CCDC33: variants seen among roughly 807,000 people sequenced by gnomAD.
CCDC33 encodes the protein coiled-coil domain-containing protein 33.
In CCDC33, 94 loss-of-function variants were observed where a neutral mutation model predicts 91.9. That is an observed-to-expected ratio of 1.02 (90% CI 0.87 to 1.21). CCDC33 has a LOEUF of 1.21. Among genes scored for constraint, CCDC33 ranks in the 50% most tolerant of loss-of-function variants. The pLI is 0.00. For missense variants in CCDC33, 940 were observed against 935.5 expected (o/e 1.00, Z -0.06); for synonymous variants, 396 against 374.5 (o/e 1.06, Z -0.66).
rs565434633 is a variant in CCDC33, at chr15:74,332,680, C to T, written c.1773C>T (p.Gly591=). 3 of 1,613,798 alleles carry T rather than the reference C, an allele frequency of 1.9e-6. No homozygotes were observed. In the South Asian group the frequency reaches 3.3e-5, roughly 18 times the overall value. ...CAACATCTGTGGCCGTGTCTCTAGGCTTCCCTATGCTCTCAGCCTCTGGCC... is the reference window on the plus strand; with the variant it reads ...CAACATCTGTGGCCGTGTCTCTAGGTTTCCCTATGCTCTCAGCCTCTGGCC... ...LNRQQGKPYT[G]FPMLSASGLP... Residue 591 remains glycine (G), a splice_region_variant and synonymous_variant, in exon 16 of 19, where the codon GGC becomes GGT. Transcript: ENST00000398814.
intron 11 of CCDC33, among the ~76,000 whole-genome samples, chr15:74,323,863 G>A (rs2060254097): frequency 6.6e-6 from 1 of 151,986 alleles, no homozygotes; most frequent in African/African-American, 2.4e-5. Context: ...AGGCCAAGGT[G>A]GGCGGATCAT....
chr15:74,230,338 C>T (rs1221040598), intron 2 of CCDC33, among the ~76,000 whole-genome samples: 5 of 152,314 alleles, frequency 3.3e-5, no homozygotes, highest in Middle Eastern at 3.4e-3. Context: ...GACCCCCCAC[C>T]CAACCTTGGC....
intron 2 of CCDC33, among the ~76,000 whole-genome samples, chr15:74,219,572 G>A (rs552863241): frequency 9.8e-5 from 15 of 152,306 alleles, no homozygotes; most frequent in African/African-American, 3.4e-4. Context: ...TATAGTGAGG[G>A]TATCATCTAT....
chr15:74,326,539 G>A (rs1315925811), intron 11 of CCDC33, among the ~76,000 whole-genome samples: 3 of 152,224 alleles, frequency 2.0e-5, no homozygotes, highest in Admixed American at 6.5e-5. Context: ...TGTCGGTGCA[G>A]CAAAGGCCAC....
chr15:74,207,775 G>T (rs1347401678), intron 1 of CCDC33: 2 of 1,535,728 alleles, frequency 1.3e-6, no homozygotes, highest in East Asian at 2.4e-5. Flanking sequence ...TGAGCTTGGG[G>T]TGTGCCCTCA....
chr15:74,313,833 C>G (rs942125932), intron 11 of CCDC33, among the ~76,000 whole-genome samples: 1 of 152,124 alleles, frequency 6.6e-6, no homozygotes, highest in Non-Finnish European at 1.5e-5. Context: ...ATGCTTGGTG[C>G]CAGCATCCAG....
At chr15:74,304,772 C>T (rs2059860587) in intron 11 of CCDC33, among the ~76,000 whole-genome samples, 1 of 152,004 alleles carries the variant, frequency 6.6e-6, no homozygotes, top group Non-Finnish European at 1.5e-5. Flanking sequence ...GTCTTCCTGA[C>T]CGACTTGGCC....
chr15:74,222,815 C>A (rs2074651466), intron 2 of CCDC33, among the ~76,000 whole-genome samples: 1 of 145,978 alleles, frequency 6.9e-6, no homozygotes. Context: ...CCGCCGCCTG[C>A]ATGTCTCTGG....
chr15:74,331,436 C>A, intron 15 of CCDC33, 140 bp downstream of exon 15: 1 of 806,882 alleles, frequency 1.2e-6, no homozygotes, highest in Non-Finnish European at 2.0e-6. Flanking sequence ...CCTGGGAGAC[C>A]CAGGATTGCC....
At chr15:74,324,834 C>T (rs2060277357) in intron 11 of CCDC33, among the ~76,000 whole-genome samples, 1 of 150,462 alleles carries the variant, frequency 6.6e-6, no homozygotes, top group Non-Finnish European at 1.5e-5. Context: ...TGCGCCTCCT[C>T]CACCCAAAGA....
intron 10 of CCDC33, among the ~76,000 whole-genome samples, chr15:74,288,806 C>T (rs1162434446): frequency 1.3e-5 from 2 of 152,184 alleles, no homozygotes; most frequent in Admixed American, 1.3e-4. Flanking sequence ...GCTGCAATGT[C>T]CACCTTGTAA....
chr15:74,234,835 G>C (rs1401083883), upstream of CCDC33, among the ~76,000 whole-genome samples: 1 of 152,244 alleles, frequency 6.6e-6, no homozygotes, highest in Admixed American at 6.5e-5. Flanking sequence ...AAAATGTGAG[G>C]CTCTGTGTCG....
chr15:74,310,927 T>A (rs2059981884), intron 11 of CCDC33, among the ~76,000 whole-genome samples: 1 of 152,204 alleles, frequency 6.6e-6, no homozygotes, highest in Non-Finnish European at 1.5e-5. Flanking sequence ...GGGGTTTTGA[T>A]GGCTGAAGCA....
intron 10 of CCDC33, among the ~76,000 whole-genome samples, chr15:74,293,665 G>A (rs572325606): frequency 6.6e-6 from 1 of 152,322 alleles, no homozygotes; most frequent in South Asian, 2.1e-4. Context: ...GTGGGAGAGA[G>A]AGCCAGGCCT....
intron 11 of CCDC33, among the ~76,000 whole-genome samples, chr15:74,318,869 G>A (rs1004588971): frequency 2.0e-5 from 3 of 152,110 alleles, no homozygotes; most frequent in African/African-American, 7.2e-5. Context: ...TAGGCCACCT[G>A]AGCCCACACA....
At chr15:74,327,816 C>G (rs1449501214) in intron 11 of CCDC33, among the ~76,000 whole-genome samples, 2 of 152,146 alleles carry the variant, frequency 1.3e-5, no homozygotes. Flanking sequence ...GCTCACAACC[C>G]GGTTATGGAC....
chr15:74,334,115 C>G (rs1443394437), intron 17 of CCDC33, 148 bp downstream of exon 17: 5 of 644,988 alleles, frequency 7.8e-6, no homozygotes. Context: ...AGTGTGCAAC[C>G]AGGGTCAGGG....
At chr15:74,266,811 G>GC in intron 4 of CCDC33, 24 bp downstream of exon 4, 1 of 1,567,942 alleles carries the variant, frequency 6.4e-7, no homozygotes, top group Middle Eastern at 1.7e-4. Flanking sequence ...CTGGGGAAGT[G>GC]CCGGGAGAGC....
In CCDC33 at chr15:74,272,846, G is replaced by A; in HGVS notation, c.714G>A (p.Met238Ile). The A allele has an allele frequency of 1.2e-6, 2 of 1,614,246 alleles. No individual in the cohort carries two copies. The highest frequency in any genetic ancestry group is 1.7e-6 in the Non-Finnish European group (2 of 1,180,036). ...CACTGTCCTTCCCTATCCCGTCCAT[G>A]ATGAACTTTGACGTGCCTCGCGTCA... is the stretch of plus-strand genomic sequence containing the variant. ...ITPLSFPIPS[M>I]MNFDVPRVSQ... is the part of the protein sequence containing the mutation. The change falls in exon 7 of 19, where the codon ATG becomes ATA. Residue 238 changes from methionine to isoleucine, a missense_variant. Transcript: ENST00000398814.
Sources: allele counts gnomAD v4.1 joint callset (sites outside exome capture counted in the v4.1 genomes callset), GRCh38; gene constraint gnomAD v4.1.1; transcripts MANE v1.5; gene names NCBI Gene and HGNC (gene_info 2026-07-23, HGNC 2026-07-21).